Variants in NLE1 observed in about 807,000 individuals in gnomAD.
The protein encoded by NLE1 is notchless homolog 1.
NLE1 carries 37 observed loss-of-function variants against 62.8 expected under a neutral mutation model. That is an observed-to-expected ratio of 0.59 (90% CI 0.45 to 0.78). NLE1 has a LOEUF of 0.78. Ranked by LOEUF, NLE1 falls within the 30% of genes least tolerant of loss-of-function variation. NLE1 has a pLI of 0.00. For synonymous variants in NLE1, 243 were observed against 253.0 expected (o/e 0.96, Z 0.37); for missense variants, 555 against 637.9 (o/e 0.87, Z 1.40).
At chr17:35,133,073 G>C in intron 12 of NLE1, 98 bp downstream of exon 12, 1 of 1,180,736 alleles carries the variant, frequency 8.5e-7, no homozygotes, top group Non-Finnish European at 1.3e-6. Flanking sequence ...GCACCTGGAC[G>C]GCCCTGCGGA....
At chr17:35,134,756 A>T (rs889018939) in intron 10 of NLE1, among the ~76,000 whole-genome samples, 5 of 152,142 alleles carry the variant, frequency 3.3e-5, no homozygotes, top group African/African-American at 1.2e-4. Flanking sequence ...TGTCTCATTA[A>T]ATCCGTGTAA....
At chr17:35,139,353 C>T in intron 3 of NLE1, 39 bp from the exon 4 acceptor site, 1 of 1,505,426 alleles carries the variant, frequency 6.6e-7, no homozygotes, top group Non-Finnish European at 9.2e-7. Context: ...TGCACATGTG[C>T]ATTTGTGCCA....
chr17:35,134,255 C>T (rs2091895255), intron 10 of NLE1, among the ~76,000 whole-genome samples: 2 of 152,300 alleles, frequency 1.3e-5, no homozygotes, highest in South Asian at 4.1e-4. Flanking sequence ...GATGCTGATG[C>T]CGCTGGTCTG....
intron 9 of NLE1, among the ~76,000 whole-genome samples, chr17:35,135,950 G>T (rs930142146): frequency 6.6e-6 from 1 of 152,176 alleles, no homozygotes; most frequent in Non-Finnish European, 1.5e-5. Flanking sequence ...TGTTGGAAAT[G>T]TAATAAATAG....
At chr17:35,137,496 CT>C (rs1555572497) in intron 6 of NLE1, 46 bp downstream of exon 6, 1 of 1,473,110 alleles carries the variant, frequency 6.8e-7, no homozygotes, top group Non-Finnish European at 9.3e-7. Flanking sequence ...AAGGGGATGG[CT>C]TTGATCCCCT....
intron 12 of NLE1, 38 bp downstream of exon 12, chr17:35,133,133 G>T: frequency 6.3e-7 from 1 of 1,586,316 alleles, no homozygotes; most frequent in Non-Finnish European, 8.7e-7. Context: ...AGGGGTAGGA[G>T]GGCTGTGTAT....
chr17:35,136,102 G>A (rs948505653), intron 9 of NLE1, 67 bp downstream of exon 9: 52 of 1,519,498 alleles, frequency 3.4e-5, no homozygotes, highest in Non-Finnish European at 4.5e-5. Flanking sequence ...AAGGGTCTGA[G>A]AGGGTTTTAG....
chr17:35,129,852 A>G lies in NLE1; in HGVS notation c.*2585T>C, dbSNP rs1041553282. On this transcript the variant is annotated 3_prime_UTR_variant, in exon 13 of 13. Transcript: ENST00000442241. ...TAAGGATTAAGCCACTCTGGGGCCC[A>G]CTAGGAATGCAAACGAATGTATTTT... 10 of 1,424,636 alleles carry G rather than the reference A, an allele frequency of 7.0e-6. No individual in the cohort carries two copies. In the African/African-American group the frequency reaches 1.4e-4, roughly 20 times the overall value. The allele number at this position is 1,424,636 out of a possible 1,614,324, so 88.2% of individuals were successfully genotyped here. A position where few individuals can be genotyped will look rare whatever the true frequency, so the allele number is the denominator to read the frequency against.
chr17:35,136,550 G>A (rs2091910158), intron 7 of NLE1, 53 bp from the exon 8 acceptor site: 13 of 1,568,998 alleles, frequency 8.3e-6, no homozygotes, highest in South Asian at 4.6e-5. Context: ...ACGCCTGGGC[G>A]ATTAGCCCCA....
Position 35,142,241 on chromosome 17 carries a change from C to G in NLE1, c.18+17G>C. The G allele has an allele frequency of 6.4e-7, 1 of 1,551,052 alleles. No homozygotes were observed. Among genetic ancestry groups the G allele is most frequent in the Non-Finnish European group, 8.7e-7 (1 of 1,150,448 alleles). ...GCCCCGCGGCGACGCCCCCCGCCCC[C>G]ATCCACGCACACCCACCGGCACTGC... On this transcript the variant is annotated intron_variant, in intron 1 of 12. Coordinates refer to ENST00000442241, the MANE Select transcript of NLE1 (RefSeq NM_018096.5).
In NLE1 at chr17:35,130,034, T is replaced by G; in HGVS notation, c.*2403A>C. ...GACGAAGAAGGGAACAGCCTGGGTA[T>G]GGGGTAGGGGTATGGGGGTATAGAG... On this transcript the variant is annotated 3_prime_UTR_variant, in exon 13 of 13. Transcript: ENST00000442241. 1 of 1,387,996 alleles carries G rather than the reference T, an allele frequency of 7.2e-7. No individual in the cohort carries two copies. The highest frequency in any genetic ancestry group is 9.3e-7 in the Non-Finnish European group (1 of 1,073,556). 86.0% of individuals were successfully genotyped at this position (1,387,996 alleles called of 1,614,324 possible).
chr17:35,130,838 AG>A lies in NLE1; in HGVS notation c.*1598del, dbSNP rs1234611243. 5.9e-6 allele frequency: 1 copy of A among 169,978 alleles called. No individual in the cohort carries two copies. Among genetic ancestry groups the A allele is most frequent in the Non-Finnish European group, 1.3e-5 (1 of 78,422 alleles). The allele number at this position is 169,978 out of a possible 1,614,324, so 10.5% of individuals were successfully genotyped here. A position where few individuals can be genotyped will look rare whatever the true frequency, so the allele number is the denominator to read the frequency against. ...CTACATGGGTGGGGAGATAGAAAAC[AG>A]GCAGCTAGGCAATAGGATGCTGCCA... On this transcript the variant is annotated 3_prime_UTR_variant, in exon 13 of 13. Coordinates refer to ENST00000442241, the MANE Select transcript of NLE1 (RefSeq NM_018096.5).
intron 3 of NLE1, 35 bp from the exon 4 acceptor site, chr17:35,139,349 T>A: frequency 6.6e-7 from 1 of 1,510,136 alleles, no homozygotes; most frequent in Non-Finnish European, 9.2e-7. Flanking sequence ...ACACTGCACA[T>A]GTGCATTTGT....
Position 35,133,412 on chromosome 17 carries a change from C to T in NLE1, c.1301G>A (p.Ser434Asn), listed in dbSNP as rs2306512. ...ADSRLLVSGS[S>N]DSTLKVWDVK... ...ATCCCACACCTTCAGTGTGCTGTCA[C>T]TGCTGCCGCTGACCAGGAGCCGACT... Residue 434 changes from serine (S) to asparagine (N), a missense_variant, in exon 11 of 13, where the codon AGT becomes AAT. Ser to Asn is a conservative substitution (Grantham distance 46). Coordinates refer to ENST00000442241, the MANE Select transcript of NLE1 (RefSeq NM_018096.5). The T allele has an allele frequency of 5.7e-3, 9,262 of 1,614,068 alleles. 390 individuals are homozygous for T. The East Asian group carries it at 0.11, about 19-fold the overall frequency.
chr17:35,136,826 A>C (rs964156823), intron 7 of NLE1, among the ~76,000 whole-genome samples, 175 bp downstream of exon 7: 1 of 152,062 alleles, frequency 6.6e-6, no homozygotes, highest in African/African-American at 2.4e-5. Flanking sequence ...TGCAATCTCC[A>C]CTATGGTGCA....
chr17:35,130,161 T>G lies in NLE1; in HGVS notation c.*2276A>C. ...CCTGTTTCCTGCGTCAATGGCTAGG[T>G]TGGATAAGGCTGTTTAAGGTCTGAG... On this transcript the variant is annotated 3_prime_UTR_variant, in exon 13 of 13. Transcript: ENST00000442241. The G allele has an allele frequency of 6.8e-7, 1 of 1,469,318 alleles. No individual in the cohort carries two copies. The highest frequency in any genetic ancestry group is 2.6e-5 in the Admixed American group (1 of 38,942). The allele number at this position is 1,469,318 out of a possible 1,614,324, so 91.0% of individuals were successfully genotyped here.
At position 35,141,973 on chromosome 17, in the gene NLE1, AC is replaced by A. The variant is rs778181137; in HGVS notation, c.162+5del. 8 of 1,571,414 alleles carry A rather than the reference AC, an allele frequency of 5.1e-6. No homozygotes were observed. The highest frequency in any genetic ancestry group is 6.9e-6 in the Non-Finnish European group (8 of 1,159,026). Reference sequence around the variant, plus strand: ...AGATGCGAGGCCGCCCTGGCCAGCCACTTACCTGGGCCAGTAGCGCGTTGCA... The same window carrying A: ...AGATGCGAGGCCGCCCTGGCCAGCCATTACCTGGGCCAGTAGCGCGTTGCA... On this transcript the variant is annotated splice_donor_5th_base_variant and intron_variant, in intron 2 of 12. Transcript: ENST00000442241.
In NLE1 at chr17:35,132,445, T is replaced by C; in HGVS notation, c.1450A>G (p.Arg484Gly). ...GAGAACTTCGGGCCGTCTCATCTCC[T>C]CCATCTGTGGAGAAGGGAAGGGTGT... ...GGKDKCLRIWRR is the reference protein window; with the variant it reads ...GGKDKCLRIWGR The change falls in exon 13 of 13, where the codon AGG becomes GGG. Residue 484 changes from arginine (R) to glycine (G), a missense_variant. Arg to Gly is a moderately radical substitution (Grantham distance 125, BLOSUM62 -2). Coordinates refer to ENST00000442241, the MANE Select transcript of NLE1 (RefSeq NM_018096.5). The C allele has an allele frequency of 7.1e-7, 1 of 1,418,216 alleles. No individual in the cohort carries two copies. Among genetic ancestry groups the C allele is most frequent in the South Asian group, 1.7e-5 (1 of 58,734 alleles). The allele number at this position is 1,418,216 out of a possible 1,614,324, so 87.9% of individuals were successfully genotyped here.
chr17:35,135,852 A>T (rs2091905325), intron 9 of NLE1, among the ~76,000 whole-genome samples: 1 of 152,178 alleles, frequency 6.6e-6, no homozygotes, highest in African/African-American at 2.4e-5. Context: ...TACAATAGAG[A>T]CGGGAGACTC....
Sources: allele counts gnomAD v4.1 joint callset (sites outside exome capture counted in the v4.1 genomes callset), GRCh38; gene constraint gnomAD v4.1.1; transcripts MANE v1.5; gene names NCBI Gene and HGNC (gene_info 2026-07-23, HGNC 2026-07-21).